The following SYT16 variants were observed in gnomAD, a reference collection of about 807,000 sequenced individuals.
SYT16 encodes the protein synaptotagmin 16, also known as synaptotagmin-16.
In SYT16, 42 loss-of-function variants were observed where a neutral mutation model predicts 61.4. The ratio of observed to expected loss-of-function variants is 0.68; its 90% confidence interval spans 0.53 to 0.89. The LOEUF (loss-of-function observed/expected upper bound fraction) is 0.89, where lower values mean the gene tolerates loss of function less well. Ranked by LOEUF, SYT16 falls within the 40% of genes least tolerant of loss-of-function variation. SYT16 has a pLI of 0.00. For missense variants in SYT16, 804 were observed against 807.3 expected (o/e 1.00, Z 0.05); for synonymous variants, 314 against 302.3 (o/e 1.04, Z -0.40).
At chr14:61,992,005 C>A (rs926211189) in intron 2 of SYT16, among the ~76,000 whole-genome samples, 2 of 151,820 alleles carry the variant, frequency 1.3e-5, no homozygotes, top group Non-Finnish European at 2.9e-5. Flanking sequence ...ACATGGAGAG[C>A]CCCTGCCCTG....
intron 1 of SYT16, among the ~76,000 whole-genome samples, chr14:61,946,944 G>A (rs1471506737): frequency 6.6e-6 from 1 of 152,060 alleles, no homozygotes; most frequent in Non-Finnish European, 1.5e-5. Flanking sequence ...GACAAAGAAC[G>A]GTTGGACTGC....
At chr14:61,974,887 G>A (rs1169792225) in intron 2 of SYT16, among the ~76,000 whole-genome samples, 1 of 152,216 alleles carries the variant, frequency 6.6e-6, no homozygotes, top group Admixed American at 6.5e-5. Flanking sequence ...CCAGTTGGTA[G>A]AAAGGCCCAA....
At chr14:62,096,597 C>T (rs1322166939) in intron 7 of SYT16, among the ~76,000 whole-genome samples, 1 of 151,924 alleles carries the variant, frequency 6.6e-6, no homozygotes, top group Non-Finnish European at 1.5e-5. Flanking sequence ...GAAGGACATA[C>T]ACTACAATGT....
chr14:61,881,835 T>G (rs890339378), intron 1 of SYT16, among the ~76,000 whole-genome samples: 3 of 152,142 alleles, frequency 2.0e-5, no homozygotes, highest in Non-Finnish European at 4.4e-5. Context: ...ACAGTCCCCC[T>G]CCTCCACTAG....
intron 3 of SYT16, among the ~76,000 whole-genome samples, chr14:62,051,340 A>G (rs1199064624): frequency 2.6e-5 from 4 of 152,208 alleles, no homozygotes; most frequent in Non-Finnish European, 5.9e-5. Context: ...TTAGGGTGGG[A>G]GTGACCCGAT....
At chr14:61,859,482 C>T (rs1343485184) in intron 1 of SYT16, among the ~76,000 whole-genome samples, 1 of 151,948 alleles carries the variant, frequency 6.6e-6, no homozygotes, top group South Asian at 2.1e-4. Context: ...CTATACAATC[C>T]GGCACATCCA....
chr14:62,052,612 T>A (rs2055359982), intron 3 of SYT16, among the ~76,000 whole-genome samples: 1 of 152,200 alleles, frequency 6.6e-6, no homozygotes, highest in Admixed American at 6.5e-5. Flanking sequence ...AATGTTTACA[T>A]CCCCAAAAAA....
intron 1 of SYT16, among the ~76,000 whole-genome samples, chr14:61,886,912 C>CTTTTTTTT (rs2047930727): frequency 9.8e-6 from 1 of 101,886 alleles, no homozygotes; most frequent in Non-Finnish European, 2.0e-5. Flanking sequence ...TTTTTTTTTT[C>CTTTTTTTT]CTTTTTATGG....
chr14:62,024,721 A>G (rs1391550328), intron 3 of SYT16, among the ~76,000 whole-genome samples: 3 of 152,098 alleles, frequency 2.0e-5, no homozygotes, highest in Non-Finnish European at 4.4e-5. Context: ...AATAATATGC[A>G]TCTACCATTT....
chr14:62,010,402 G>A (rs2053398502), intron 3 of SYT16, among the ~76,000 whole-genome samples: 1 of 152,144 alleles, frequency 6.6e-6, no homozygotes, highest in Admixed American at 6.5e-5. Flanking sequence ...TGTAAACAGA[G>A]ACCTGAATGA....
chr14:62,031,058 C>A (rs1271032195), intron 3 of SYT16, among the ~76,000 whole-genome samples: 1 of 152,144 alleles, frequency 6.6e-6, no homozygotes, highest in African/African-American at 2.4e-5. Context: ...GTTTGTAAAG[C>A]ACATAAGCTA....
chr14:61,863,245 A>C (rs2047020554), intron 1 of SYT16, among the ~76,000 whole-genome samples: 1 of 152,132 alleles, frequency 6.6e-6, no homozygotes, highest in South Asian at 2.1e-4. Flanking sequence ...ACCAGCAGTG[A>C]ATGAGAGTTC....
intron 3 of SYT16, among the ~76,000 whole-genome samples, chr14:62,037,468 A>C (rs1434556982): frequency 6.6e-6 from 1 of 152,158 alleles, no homozygotes; most frequent in African/African-American, 2.4e-5. Context: ...TTTCAACACT[A>C]TTCTTAATGC....
At chr14:62,032,203 G>A (rs956414274) in intron 3 of SYT16, among the ~76,000 whole-genome samples, 4 of 151,954 alleles carry the variant, frequency 2.6e-5, no homozygotes, top group African/African-American at 9.7e-5. Context: ...AAGAAAAGAG[G>A]GAGAATGTTG....
intron 1 of SYT16, among the ~76,000 whole-genome samples, chr14:61,906,441 G>C (rs527344364): frequency 3.8e-4 from 58 of 152,252 alleles, no homozygotes; most frequent in Non-Finnish European, 7.5e-4. Context: ...GCTCTGTACT[G>C]TTTGTAGCAT....
chr14:62,037,121 C>T (rs2054540674), intron 3 of SYT16, among the ~76,000 whole-genome samples: 1 of 152,138 alleles, frequency 6.6e-6, no homozygotes, highest in Admixed American at 6.5e-5. Flanking sequence ...ACTTTTGCCT[C>T]TGAGCTACAG....
intron 1 of SYT16, among the ~76,000 whole-genome samples, chr14:61,908,218 T>G (rs574360750): frequency 6.6e-6 from 1 of 152,346 alleles, no homozygotes; most frequent in East Asian, 1.9e-4. Context: ...CTTGGTGAAC[T>G]CACAAAGTGT....
At chr14:62,037,671 G>T (rs1250232134) in intron 3 of SYT16, among the ~76,000 whole-genome samples, 11 of 152,124 alleles carry the variant, frequency 7.2e-5, no homozygotes, top group African/African-American at 2.2e-4. Flanking sequence ...CTCCACTGGG[G>T]TATTAAATAA....
At chr14:61,831,212 A>AGCTCC (rs2045925879) in intron 1 of SYT16, among the ~76,000 whole-genome samples, 1 of 152,184 alleles carries the variant, frequency 6.6e-6, no homozygotes, top group Admixed American at 6.5e-5. Flanking sequence ...CTCCAAATCA[A>AGCTCC]AAGTGCCAAA....
Sources: gnomAD v4.1 joint callset for allele counts (sites outside exome capture counted in the v4.1 genomes callset) on GRCh38, gnomAD v4.1.1 for gene constraint, MANE v1.5 for transcripts, NCBI Gene and HGNC (gene_info 2026-07-23, HGNC 2026-07-21) for gene names.